Variants in COMMD1 observed in about 807,000 individuals in gnomAD.
COMMD1 encodes the protein copper metabolism domain containing 1, also known as COMM domain-containing protein 1.
Under a neutral mutation model 17.2 loss-of-function variants are expected in COMMD1, and 10 were observed. The observed-to-expected ratio is 0.58, with a 90% CI of 0.36 to 0.99. COMMD1 has a LOEUF of 0.99. Ranked by LOEUF, COMMD1 falls within the 50% of genes least tolerant of loss-of-function variation. The pLI, the probability that COMMD1 is intolerant of heterozygous loss-of-function variation, is 0.01. For synonymous variants in COMMD1, 97 were observed against 91.6 expected (o/e 1.06, Z -0.34); for missense variants, 270 against 231.8 (o/e 1.17, Z -1.07).
Position 62,115,716 on chromosome 2 carries a change from T to C in COMMD1, c.463-20115T>C, listed in dbSNP as rs938795635. 3.3e-5 allele frequency among the ~76,000 whole-genome samples: 5 copies of C among 152,086 alleles called. No homozygotes were observed. The East Asian group carries it at 9.6e-4, about 29-fold the overall frequency. ...GGGTATGACATCCTGTACTTACAAG[T>C]GGTTGTGTGTGAGAGAACGATTGAC... On this transcript the variant is annotated intron_variant, in intron 2 of 2. Transcript: ENST00000311832.
intron 1 of COMMD1, among the ~76,000 whole-genome samples, chr2:61,960,172 A>T (rs1671304032): frequency 1.3e-5 from 2 of 152,042 alleles, no homozygotes; most frequent in South Asian, 4.1e-4. Flanking sequence ...ATCTTATAGT[A>T]AGAAATTGTG....
In COMMD1 at chr2:62,040,615, C is replaced by A. The variant is rs577483205; in HGVS notation, c.462+39633C>A. Among the ~76,000 whole-genome samples the A allele has an allele frequency of 3.0e-4, 46 of 152,230 alleles. 1 individual carries two copies. In the South Asian group the frequency reaches 9.5e-3, roughly 32 times the overall value. ...TCTTGGAATTATATATCACCAAGAT[C>A]AATTTGCCTTGCTTGAGGATTTTAG... On this transcript the variant is annotated intron_variant, in intron 2 of 2. Transcript: ENST00000311832.
chr2:61,976,884 A>G (rs974704927), intron 1 of COMMD1, among the ~76,000 whole-genome samples: 2 of 151,192 alleles, frequency 1.3e-5, no homozygotes, highest in African/African-American at 4.9e-5. Flanking sequence ...GCTGGGGTAC[A>G]GTGGTGTGGT....
At chr2:61,982,066 T>C (rs1015269301) in intron 1 of COMMD1, among the ~76,000 whole-genome samples, 8 of 152,246 alleles carry the variant, frequency 5.3e-5, no homozygotes, top group African/African-American at 1.4e-4. Context: ...AATCTGTAGA[T>C]TGCTTTGCAT....
At chr2:61,998,856 G>A (rs1668842244) in intron 1 of COMMD1, among the ~76,000 whole-genome samples, 1 of 152,176 alleles carries the variant, frequency 6.6e-6, no homozygotes, top group Non-Finnish European at 1.5e-5. Flanking sequence ...GAGAAGGAAT[G>A]GCCAGTGGTT....
At chr2:61,923,242 T>A (rs1670241757) in intron 1 of COMMD1, among the ~76,000 whole-genome samples, 1 of 152,178 alleles carries the variant, frequency 6.6e-6, no homozygotes, top group Non-Finnish European at 1.5e-5. Context: ...ATTAATTTTC[T>A]TCTGTCTAGG....
intron 1 of COMMD1, among the ~76,000 whole-genome samples, chr2:61,954,108 C>T (rs1671131866): frequency 6.6e-6 from 1 of 151,978 alleles, no homozygotes; most frequent in South Asian, 2.1e-4. Context: ...ACTTGGGAGG[C>T]TGAGGCAGGA....
chr2:62,121,727 A>G (rs1672753066), intron 2 of COMMD1, among the ~76,000 whole-genome samples: 1 of 148,858 alleles, frequency 6.7e-6, no homozygotes. Flanking sequence ...AACAGGAGCG[A>G]GACTCCGTCT....
chr2:62,048,858 C>T (rs565426006), intron 2 of COMMD1, among the ~76,000 whole-genome samples: 18 of 152,154 alleles, frequency 1.2e-4, no homozygotes, highest in Admixed American at 1.0e-3. Flanking sequence ...GAGAGAGCAA[C>T]CTGGACATAT....
At position 61,905,732 on chromosome 2, in the gene COMMD1, G is replaced by A. The variant is rs746591290; in HGVS notation, c.54G>A (p.Ala18=). 1.2e-6 allele frequency: 2 copies of A among 1,611,804 alleles called. No individual in the cohort carries two copies. Among genetic ancestry groups the A allele is most frequent in the Admixed American group, 1.7e-5 (1 of 59,698 alleles). ...AACCCCTGAGCGGGCTGCTGAATGC[G>A]CTGGCCCAGGACACTTTCCACGGGT... The part of the protein sequence containing the change: ...GGKPLSGLLN[A]LAQDTFHGYP... Residue 18 remains alanine (A), a synonymous_variant, in exon 1 of 3, where the codon GCG becomes GCA. Transcript: ENST00000311832.
intron 1 of COMMD1, among the ~76,000 whole-genome samples, chr2:61,916,159 ACC>A (rs1423813057): frequency 6.6e-6 from 1 of 151,566 alleles, no homozygotes; most frequent in Non-Finnish European, 1.5e-5. Flanking sequence ...GATGGGTTTC[ACC>A]ATGTTGCCCA....
At chr2:61,970,698 A>G (rs1671625164) in intron 1 of COMMD1, among the ~76,000 whole-genome samples, 1 of 152,250 alleles carries the variant, frequency 6.6e-6, no homozygotes, top group South Asian at 2.1e-4. Flanking sequence ...ATACCATGAT[A>G]AAGAATATTT....
At chr2:62,128,335 GAAA>G (rs55646038) in intron 2 of COMMD1, among the ~76,000 whole-genome samples, 1 of 124,136 alleles carries the variant, frequency 8.1e-6, no homozygotes, top group African/African-American at 3.1e-5. Flanking sequence ...CTAAAAAAAA[GAAA>G]AAAAAAAAAC....
intron 2 of COMMD1, among the ~76,000 whole-genome samples, chr2:62,047,089 G>T (rs1159397091): frequency 6.6e-6 from 1 of 152,158 alleles, no homozygotes; most frequent in African/African-American, 2.4e-5. Context: ...ATCTGGTTGG[G>T]AAGACAGAAA....
intron 1 of COMMD1, among the ~76,000 whole-genome samples, chr2:61,970,064 C>G (rs941974827): frequency 9.9e-5 from 15 of 151,870 alleles, no homozygotes; most frequent in African/African-American, 3.6e-4. Flanking sequence ...CGAGACCAGC[C>G]TGGCCAATAT....
At chr2:61,929,967 T>A (rs1006289816) in intron 1 of COMMD1, among the ~76,000 whole-genome samples, 1 of 151,940 alleles carries the variant, frequency 6.6e-6, no homozygotes, top group Non-Finnish European at 1.5e-5. Context: ...TTTGTTCACC[T>A]GTTTTTTATC....
intron 2 of COMMD1, among the ~76,000 whole-genome samples, chr2:62,085,787 G>A (rs1205529253): frequency 1.3e-5 from 2 of 151,470 alleles, no homozygotes; most frequent in African/African-American, 4.9e-5. Flanking sequence ...AGACCATCCT[G>A]GCTAACATGG....
At chr2:61,973,304 A>G (rs1671701494) in intron 1 of COMMD1, among the ~76,000 whole-genome samples, 1 of 152,208 alleles carries the variant, frequency 6.6e-6, no homozygotes, top group Admixed American at 6.5e-5. Context: ...TAAAATACAT[A>G]AATCTTAAAT....
intron 1 of COMMD1, among the ~76,000 whole-genome samples, chr2:61,999,009 T>C (rs1668847185): frequency 6.6e-6 from 1 of 152,088 alleles, no homozygotes; most frequent in Non-Finnish European, 1.5e-5. Context: ...TAAATAATAG[T>C]GAAAAAGTTT....
Sources: allele counts gnomAD v4.1 joint callset (sites outside exome capture counted in the v4.1 genomes callset), GRCh38; gene constraint gnomAD v4.1.1; transcripts MANE v1.5; gene names NCBI Gene and HGNC (gene_info 2026-07-23, HGNC 2026-07-21).